ACTR10: variants seen among roughly 807,000 people sequenced by gnomAD.
ACTR10 encodes actin related protein 10, also known as actin-related protein 10.
In ACTR10, 43 loss-of-function variants were observed where a neutral mutation model predicts 56.2. That is an observed-to-expected ratio of 0.77 (90% confidence interval 0.60 to 0.99). The LOEUF (loss-of-function observed/expected upper bound fraction) is 0.99. Ranked by LOEUF, ACTR10 falls within the 50% of genes least tolerant of loss-of-function variation. The pLI, the probability that ACTR10 is intolerant of heterozygous loss-of-function variation, is 0.00. For synonymous variants in ACTR10, 170 were observed against 176.3 expected, an observed-to-expected ratio of 0.96 and a Z score of 0.28; for missense variants, 466 against 507.8, an observed-to-expected ratio of 0.92 and a Z score of 0.79.
At chr14:58,210,496 T>C (rs942873120) in intron 4 of ACTR10, among the ~76,000 whole-genome samples, 14 of 152,084 alleles carry the variant, frequency 9.2e-5, no homozygotes, top group African/African-American at 3.4e-4. Context: ...ACTTTGTCTC[T>C]AAGTTAAAAA....
At chr14:58,228,668 G>C (rs1314599149) in intron 10 of ACTR10, among the ~76,000 whole-genome samples, 1 of 114,172 alleles carries the variant, frequency 8.8e-6, no homozygotes, top group Non-Finnish European at 1.7e-5. Flanking sequence ...ACTACATCTA[G>C]TTGCAAGACA....
chr14:58,223,141 G>T (rs1594811828), intron 8 of ACTR10, among the ~76,000 whole-genome samples: 1 of 151,682 alleles, frequency 6.6e-6, no homozygotes, highest in Non-Finnish European at 1.5e-5. Flanking sequence ...GTTCTGGTTT[G>T]TTTTTTTTCT....
At chr14:58,230,869 T>C (rs1889514988) in intron 11 of ACTR10, among the ~76,000 whole-genome samples, 2 of 151,478 alleles carry the variant, frequency 1.3e-5, no homozygotes, top group Admixed American at 6.6e-5. Flanking sequence ...CAAGTGATTC[T>C]CCTGCCTCAG....
chr14:58,202,434 A>AT (rs1409949190), intron 1 of ACTR10, among the ~76,000 whole-genome samples: 1 of 151,142 alleles, frequency 6.6e-6, no homozygotes, highest in African/African-American at 2.4e-5. Context: ...AAAAAAAAAA[A>AT]TTAGCCCTGC....
intron 12 of ACTR10, among the ~76,000 whole-genome samples, chr14:58,233,752 A>C (rs1450371287): frequency 6.6e-6 from 1 of 152,258 alleles, no homozygotes; most frequent in Non-Finnish European, 1.5e-5. Context: ...TATGTGTTTT[A>C]TGATGCAGTT....
chr14:58,229,780 G>GTA (rs1187948778), intron 10 of ACTR10, among the ~76,000 whole-genome samples: 4 of 151,350 alleles, frequency 2.6e-5, no homozygotes, highest in East Asian at 1.9e-4. Flanking sequence ...CATTATGTGT[G>GTA]TATATATATG....
intron 4 of ACTR10, among the ~76,000 whole-genome samples, chr14:58,210,491 G>T (rs1888967125): frequency 6.6e-6 from 1 of 151,904 alleles, no homozygotes; most frequent in Non-Finnish European, 1.5e-5. Flanking sequence ...GCAAGACTTT[G>T]TCTCTAAGTT....
At chr14:58,208,938 G>T in intron 3 of ACTR10, 61 bp from the exon 4 acceptor site, 1 of 1,103,382 alleles carries the variant, frequency 9.1e-7, no homozygotes, top group Non-Finnish European at 1.4e-6. Context: ...TTCTTAAATT[G>T]TATGACTTAA....
intron 2 of ACTR10, among the ~76,000 whole-genome samples, chr14:58,204,686 A>G (rs1888813674): frequency 2.6e-5 from 4 of 152,248 alleles, no homozygotes; most frequent in Admixed American, 2.6e-4. Flanking sequence ...GCAACCCAAC[A>G]GAGTCATGGA....
chr14:58,215,122 A>C lies in ACTR10; in HGVS notation c.519-83A>C. On this transcript the variant is annotated intron_variant, in intron 6 of 12. Transcript: ENST00000254286. ...CTGTCTCCAAAAAAAAAATCATAAT[A>C]ATCTATTATGTAGTTGAAAGTATCA... The C allele has an allele frequency of 1.3e-5, 11 of 848,482 alleles. No homozygotes were observed. The South Asian group carries it at 2.1e-4, about 16-fold the overall frequency. 52.6% of individuals were successfully genotyped at this position (848,482 alleles called of 1,614,324 possible). A position where few individuals can be genotyped will look rare whatever the true frequency, so the allele number is the denominator to read the frequency against.
intron 1 of ACTR10, among the ~76,000 whole-genome samples, chr14:58,202,096 A>C (rs1888723376): frequency 6.6e-6 from 1 of 152,186 alleles, no homozygotes; most frequent in East Asian, 1.9e-4. Flanking sequence ...AGTGTGATTA[A>C]AACTATGTCA....
In ACTR10 at chr14:58,217,734, G is replaced by A. The variant is rs139122824; in HGVS notation, c.599-1960G>A. 2.3e-4 allele frequency among the ~76,000 whole-genome samples: 35 copies of A among 151,976 alleles called. No homozygotes were observed. The East Asian group carries it at 6.8e-3, about 29-fold the overall frequency. ...GTCTCTTTTCCAGGTTCTTAGCAAA[G>A]ATTATATGCAAGTCTGAGATATGCT... On this transcript the variant is annotated intron_variant, in intron 7 of 12. Transcript: ENST00000254286.
intron 1 of ACTR10, 59 bp from the exon 2 acceptor site, chr14:58,202,796 T>C (rs917093798): frequency 8.2e-7 from 1 of 1,213,312 alleles, no homozygotes; most frequent in Non-Finnish European, 1.2e-6. Context: ...AAAATTAGTT[T>C]CTGTGACAAA....
In ACTR10 at chr14:58,223,679, T is replaced by C. The variant is rs1368901455; in HGVS notation, c.692T>C (p.Phe231Ser). 6.2e-7 allele frequency: 1 copy of C among 1,613,406 alleles called. No individual in the cohort carries two copies. The highest frequency in any genetic ancestry group is 2.2e-5 in the East Asian group (1 of 44,848). ...KRGLKIQAAK[F>S]NIDGNNERPS... is the part of the protein sequence containing the mutation. Reference sequence around the variant, plus strand: ...GGACTAAAAATCCAAGCAGCAAAATTTAATATTGATGGGAATAATGAGGTA... The same window carrying C: ...GGACTAAAAATCCAAGCAGCAAAATCTAATATTGATGGGAATAATGAGGTA... Residue 231 changes from phenylalanine (F) to serine (S), a missense_variant, in exon 9 of 13, where the codon TTT becomes TCT. Phe to Ser is a radical substitution (Grantham distance 155). Coordinates refer to ENST00000254286, the MANE Select transcript of ACTR10 (RefSeq NM_018477.3).
At position 58,234,732 on chromosome 14, in the gene ACTR10, A is replaced by G; in HGVS notation, c.*181A>G. On this transcript the variant is annotated 3_prime_UTR_variant, in exon 13 of 13. Transcript: ENST00000254286. ...TTTGTTTCTCTTGTGTAGTGGTAAA[A>G]TGGTAGCTGGTGCTTATTGAGATTT... 2.1e-6 allele frequency: 1 copy of G among 470,794 alleles called. No homozygotes were observed. The highest frequency in any genetic ancestry group is 4.0e-5 in the Admixed American group (1 of 24,794). The allele number at this position is 470,794 out of a possible 1,614,324, so 29.2% of individuals were successfully genotyped here.
intron 2 of ACTR10, among the ~76,000 whole-genome samples, chr14:58,206,020 T>C (rs532316590): frequency 1.3e-5 from 2 of 151,634 alleles, no homozygotes; most frequent in South Asian, 4.2e-4. Context: ...AGACTCCATG[T>C]CAAAAAAAAC....
chr14:58,219,860 T>A (rs1336709687), intron 8 of ACTR10, 131 bp downstream of exon 8: 6 of 550,484 alleles, frequency 1.1e-5, no homozygotes, highest in Non-Finnish European at 1.8e-5. Flanking sequence ...ATATATAGGT[T>A]ATGGGATACT....
intron 4 of ACTR10, among the ~76,000 whole-genome samples, chr14:58,210,631 A>C (rs1306632887): frequency 6.6e-6 from 1 of 151,776 alleles, no homozygotes; most frequent in Admixed American, 6.6e-5. Flanking sequence ...TATTTTTTAA[A>C]TTTAACATCT....
intron 7 of ACTR10, among the ~76,000 whole-genome samples, chr14:58,216,249 T>C (rs1889132092): frequency 6.6e-6 from 1 of 152,124 alleles, no homozygotes; most frequent in Non-Finnish European, 1.5e-5. Flanking sequence ...CTCAGCCTCC[T>C]GAGTAGCTGG....
Sources: allele counts gnomAD v4.1 joint callset (sites outside exome capture counted in the v4.1 genomes callset), GRCh38; gene constraint gnomAD v4.1.1; transcripts MANE v1.5; gene names NCBI Gene and HGNC (gene_info 2026-07-23, HGNC 2026-07-21).